Variants in ZDHHC6 observed in about 807,000 individuals in gnomAD.
ZDHHC6 encodes the protein zDHHC palmitoyltransferase 6.
In ZDHHC6, 32 loss-of-function variants were observed where a neutral mutation model predicts 57.8. The observed-to-expected ratio is 0.55, with a 90% CI of 0.42 to 0.74. The LOEUF (loss-of-function observed/expected upper bound fraction) is 0.74. ZDHHC6 is among the 30% of genes least tolerant of loss of function. The pLI, the probability that ZDHHC6 is intolerant of heterozygous loss-of-function variation, is 0.00. For synonymous variants in ZDHHC6, 128 were observed against 158.0 expected (o/e 0.81, Z 1.42); for missense variants, 433 against 500.7 (o/e 0.86, Z 1.29).
At position 112,443,476 on chromosome 10, in the gene ZDHHC6, G is replaced by T. The variant is rs555874109; in HGVS notation, c.359+39C>A. On this transcript the variant is annotated intron_variant, in intron 3 of 10. Coordinates refer to ENST00000369405, the MANE Select transcript of ZDHHC6 (RefSeq NM_022494.3). The stretch of plus-strand genomic sequence containing the variant: ...GCAACAATGAAAACATCAGTAATTA[G>T]TTGATCAGTCCTCGCTGAACAGCAA... The T allele has an allele frequency of 1.8e-5, 28 of 1,557,490 alleles. No individual in the cohort carries two copies. In the Admixed American group the frequency reaches 2.4e-4, roughly 13 times the overall value.
In ZDHHC6 at chr10:112,445,247, A is replaced by T. The variant is rs1265216556; in HGVS notation, c.190T>A (p.Trp64Arg). ...TAATTATAAAGAATCATGACAGTCC[A>T]ATTTATCAACATGATGAAATTCACA... The part of the protein sequence containing the change: ...GSVNFIMLIN[W>R]TVMILYNYFN... The change falls in exon 2 of 11, where the codon TGG (tryptophan) becomes AGG (arginine). Residue 64 changes from tryptophan to arginine, a missense_variant. Coordinates refer to ENST00000369405, the MANE Select transcript of ZDHHC6 (RefSeq NM_022494.3). The T allele has an allele frequency of 1.2e-6, 2 of 1,614,230 alleles. No individual in the cohort carries two copies. Among genetic ancestry groups the T allele is most frequent in the East Asian group, 4.5e-5 (2 of 44,890 alleles).
chr10:112,426,708 A>G (rs547749226), downstream of ZDHHC6: 432 of 1,240,776 alleles, frequency 3.5e-4, 6 homozygotes, highest in South Asian at 5.0e-3. Context: ...TGGCTTTGAC[A>G]GGCACTTTGA....
intron 2 of ZDHHC6, among the ~76,000 whole-genome samples, chr10:112,444,935 T>A (rs1197502280): frequency 6.6e-6 from 1 of 152,228 alleles, no homozygotes; most frequent in African/African-American, 2.4e-5. Context: ...ATCTTTTTTT[T>A]AATGCAGAGC....
chr10:112,437,093 G>T (rs1260472587), intron 6 of ZDHHC6, among the ~76,000 whole-genome samples: 1 of 151,996 alleles, frequency 6.6e-6, no homozygotes, highest in African/African-American at 2.4e-5. Context: ...ATGACTGACA[G>T]TATGGGTTAA....
In ZDHHC6 at chr10:112,443,552, T is replaced by C; in HGVS notation, c.322A>G (p.Lys108Glu). 1.9e-6 allele frequency: 3 copies of C among 1,613,934 alleles called. No individual in the cohort carries two copies. Among genetic ancestry groups the C allele is most frequent in the South Asian group, 1.1e-5 (1 of 91,042 alleles). Reference sequence around the variant, plus strand: ...CTGCAGTGATGTGAACGTGGTGCCTTGTATGCTTGGCAGACTTTACAATAC... The same window carrying C: ...CTGCAGTGATGTGAACGTGGTGCCTCGTATGCTTGGCAGACTTTACAATAC... ...LQYCKVCQAYKAPRSHHCRKC... is the reference protein window; with the variant it reads ...LQYCKVCQAYEAPRSHHCRKC... The change falls in exon 3 of 11, where the codon AAG (lysine) becomes GAG (glutamate). Residue 108 changes from lysine to glutamate, a missense_variant. Lys to Glu is a moderately conservative substitution (Grantham distance 56). Transcript: ENST00000369405.
chr10:112,425,218 C>T, exon 12 of ZDHHC6: 1 of 899,112 alleles, frequency 1.1e-6, no homozygotes, highest in Non-Finnish European at 1.6e-6. Context: ...TGAAAGACAG[C>T]TCAAAAGTCT....
chr10:112,430,801 C>A lies in ZDHHC6; in HGVS notation c.*3G>T. 6.2e-7 allele frequency: 1 copy of A among 1,610,106 alleles called. No individual in the cohort carries two copies. The highest frequency in any genetic ancestry group is 8.5e-7 in the Non-Finnish European group (1 of 1,178,412). On this transcript the variant is annotated 3_prime_UTR_variant, in exon 11 of 11. Transcript: ENST00000369405. ...TTAAAGGATAATTTTGTTTTAACAGCAGCTATCTATTTTTCTTCTCCCCCT... is the reference window on the plus strand; with the variant it reads ...TTAAAGGATAATTTTGTTTTAACAGAAGCTATCTATTTTTCTTCTCCCCCT...
exon 12 of ZDHHC6, chr10:112,424,798 G>C (rs1844606785): frequency 6.6e-6 from 1 of 152,328 alleles, no homozygotes; most frequent in East Asian, 1.9e-4. Flanking sequence ...ATGACCTTTG[G>C]TGGCTGGTCA....
chr10:112,431,505 G>C (rs1172979153), intron 10 of ZDHHC6, among the ~76,000 whole-genome samples: 1 of 151,718 alleles, frequency 6.6e-6, no homozygotes, highest in African/African-American at 2.4e-5. Context: ...GTAGAGATAG[G>C]GTTTCACCAT....
chr10:112,425,549 AT>A, downstream of ZDHHC6: 1 of 1,317,094 alleles, frequency 7.6e-7, no homozygotes, highest in Non-Finnish European at 1.0e-6. Flanking sequence ...GCTACAGGAA[AT>A]TTGTATAGTT....
downstream of ZDHHC6, chr10:112,427,076 T>C (rs77263352): frequency 2.0e-3 from 1,907 of 967,228 alleles, 23 homozygotes; most frequent in African/African-American, 0.028. Context: ...TCTTAAATTA[T>C]GTTTGTGGGA....
intron 5 of ZDHHC6, 136 bp downstream of exon 5, chr10:112,440,398 G>T (rs1845989078): frequency 2.1e-6 from 2 of 948,890 alleles, no homozygotes; most frequent in Non-Finnish European, 1.5e-6. Flanking sequence ...ATACAAAGGA[G>T]ATTAGTTACC....
At chr10:112,428,763 T>A (rs1171792008), downstream of ZDHHC6, among the ~76,000 whole-genome samples, 5 of 111,514 alleles carry the variant, frequency 4.5e-5, no homozygotes, top group East Asian at 1.4e-3. Flanking sequence ...AGTGTGAGAC[T>A]CTGTCTCAAA....
chr10:112,446,329 T>C (rs771893461), intron 1 of ZDHHC6, among the ~76,000 whole-genome samples: 11 of 151,678 alleles, frequency 7.3e-5, no homozygotes, highest in Non-Finnish European at 1.5e-4. Flanking sequence ...CAGAAGAGTA[T>C]ATGAGAAGAA....
chr10:112,447,553 A>G (rs554180114), upstream of ZDHHC6: 72 of 1,466,200 alleles, frequency 4.9e-5, 1 homozygote, highest in African/African-American at 5.9e-4. Flanking sequence ...AAGTGTGTCT[A>G]TGAGGCGCGA....
At chr10:112,444,840 T>C (rs756414234) in intron 2 of ZDHHC6, among the ~76,000 whole-genome samples, 2 of 152,202 alleles carry the variant, frequency 1.3e-5, no homozygotes, top group Admixed American at 6.5e-5. Context: ...TGAAAAAAGG[T>C]ACTACAGCCA....
At chr10:112,432,552 A>G in intron 8 of ZDHHC6, 31 bp from the exon 9 acceptor site, 1 of 1,595,508 alleles carries the variant, frequency 6.3e-7, no homozygotes, top group Non-Finnish European at 8.5e-7. Flanking sequence ...AAACCTTTAA[A>G]TATTCACCCA....
chr10:112,426,012 G>T (rs537930361), downstream of ZDHHC6, among the ~76,000 whole-genome samples: 1 of 152,146 alleles, frequency 6.6e-6, no homozygotes, highest in African/African-American at 2.4e-5. Context: ...AGCCAGAGGC[G>T]CTTTAAGCTT....
intron 6 of ZDHHC6, among the ~76,000 whole-genome samples, chr10:112,435,644 G>T (rs1198982019): frequency 1.3e-5 from 2 of 152,136 alleles, no homozygotes; most frequent in Non-Finnish European, 2.9e-5. Flanking sequence ...TAATTATTAA[G>T]CTATAATGCA....
Sources: allele counts gnomAD v4.1 joint callset (sites outside exome capture counted in the v4.1 genomes callset), GRCh38; gene constraint gnomAD v4.1.1; transcripts MANE v1.5; gene names NCBI Gene and HGNC (gene_info 2026-07-23, HGNC 2026-07-21).